The following DTNA variants were observed in gnomAD, a reference collection of about 807,000 sequenced individuals.
The protein encoded by DTNA is dystrophin-related protein 3.
In DTNA, 43 loss-of-function variants were observed where a neutral mutation model predicts 100.7. That is an observed-to-expected ratio of 0.43 (90% CI 0.33 to 0.55). The LOEUF (loss-of-function observed/expected upper bound fraction) is 0.55, where lower values mean the gene tolerates loss of function less well. Among genes scored for constraint, DTNA ranks in the 20% least tolerant of loss-of-function variants. The pLI is 0.04. For synonymous variants in DTNA, 349 were observed against 347.9 expected (o/e 1.00, Z -0.04); for missense variants, 798 against 953.9 (o/e 0.84, Z 2.15).
At chr18:34,763,588 C>T (rs1183445031) in intron 2 of DTNA, among the ~76,000 whole-genome samples, 1 of 152,042 alleles carries the variant, frequency 6.6e-6, no homozygotes, top group Non-Finnish European at 1.5e-5. Context: ...AATGAGCCGT[C>T]TATTTTTAAA....
intron 1 of DTNA, among the ~76,000 whole-genome samples, chr18:34,602,804 G>A (rs933403674): frequency 3.3e-5 from 5 of 151,888 alleles, no homozygotes; most frequent in Non-Finnish European, 5.9e-5. Flanking sequence ...AGGAGTTCGA[G>A]AACAGCCTGG....
At chr18:34,564,140 C>T (rs557303979) in intron 1 of DTNA, among the ~76,000 whole-genome samples, 298 of 152,112 alleles carry the variant, frequency 2.0e-3, no homozygotes, top group Non-Finnish European at 2.1e-3. Flanking sequence ...ACCAACATGT[C>T]CGTACTTCCT....
chr18:34,720,587 C>T (rs762686096), intron 1 of DTNA, among the ~76,000 whole-genome samples: 1 of 152,158 alleles, frequency 6.6e-6, no homozygotes, highest in Non-Finnish European at 1.5e-5. Context: ...AAGTTGTCGT[C>T]TGCTTTGGTG....
intron 1 of DTNA, among the ~76,000 whole-genome samples, chr18:34,741,777 C>T (rs1366923804): frequency 6.6e-6 from 1 of 152,146 alleles, no homozygotes; most frequent in East Asian, 1.9e-4. Context: ...CAGTACTTAT[C>T]TGATATTGGT....
intron 1 of DTNA, among the ~76,000 whole-genome samples, chr18:34,696,510 G>A (rs1172439439): frequency 3.9e-5 from 6 of 152,134 alleles, no homozygotes; most frequent in African/African-American, 1.2e-4. Context: ...CCCGGGAGGT[G>A]GAGGTTGCAG....
rs1465375339 is a variant in DTNA at position 34,751,960 on chromosome 18, G to A, written c.-1-4016G>A. ...AATGAATGGATGGGTTCTTATAAGC[G>A]AAAACAACATATGTCCTGTATAATT... On this transcript the variant is annotated intron_variant, in intron 1 of 22. Transcript: ENST00000444659. 3.3e-5 allele frequency among the ~76,000 whole-genome samples: 5 copies of A among 152,310 alleles called. 1 individual carries two copies. Among genetic ancestry groups the A allele is most frequent in the African/African-American group, 7.2e-5 (3 of 41,580 alleles).
intron 1 of DTNA, among the ~76,000 whole-genome samples, chr18:34,661,300 C>T (rs1022523603): frequency 1.3e-5 from 2 of 152,192 alleles, no homozygotes; most frequent in Non-Finnish European, 2.9e-5. Context: ...CTAGTGGATA[C>T]GTTGATCATT....
chr18:34,669,840 C>T (rs1324629814), intron 1 of DTNA, among the ~76,000 whole-genome samples: 2 of 152,218 alleles, frequency 1.3e-5, no homozygotes, highest in African/African-American at 2.4e-5. Context: ...CCTGACCTTT[C>T]TCTCTGGCTG....
intron 1 of DTNA, among the ~76,000 whole-genome samples, chr18:34,724,385 CTG>C (rs980674107): frequency 2.6e-5 from 4 of 152,174 alleles, no homozygotes; most frequent in African/African-American, 9.7e-5. Flanking sequence ...TTATCATAAA[CTG>C]TTGGTAGAAG....
At chr18:34,619,737 A>T (rs140646838) in intron 1 of DTNA, among the ~76,000 whole-genome samples, 21 of 152,282 alleles carry the variant, frequency 1.4e-4, no homozygotes, top group African/African-American at 4.6e-4. Context: ...GGGATATCCA[A>T]ACTAAAATAT....
At chr18:34,715,390 G>C (rs189807400) in intron 1 of DTNA, among the ~76,000 whole-genome samples, 4 of 152,126 alleles carry the variant, frequency 2.6e-5, no homozygotes, top group African/African-American at 4.8e-5. Context: ...TTTTAGAGTG[G>C]TATTACTATA....
chr18:34,496,101 A>G (rs2039163996), intron 1 of DTNA, among the ~76,000 whole-genome samples: 1 of 152,092 alleles, frequency 6.6e-6, no homozygotes, highest in Non-Finnish European at 1.5e-5. Context: ...ACTCAACATT[A>G]TAAGTAAAAA....
intron 1 of DTNA, among the ~76,000 whole-genome samples, chr18:34,520,332 A>G (rs1485626238): frequency 1.3e-5 from 2 of 152,146 alleles, no homozygotes; most frequent in African/African-American, 4.8e-5. Flanking sequence ...CTTGACCCAA[A>G]GTGGATCTTT....
intron 1 of DTNA, among the ~76,000 whole-genome samples, chr18:34,696,536 C>A (rs1326485162): frequency 6.6e-6 from 1 of 152,080 alleles, no homozygotes; most frequent in African/African-American, 2.4e-5. Context: ...CAAGATTGAG[C>A]CACTGCACTC....
Position 34,890,183 on chromosome 18 carries a change from G to T in DTNA, c.*2449G>T, listed in dbSNP as rs998932605. The T allele has an allele frequency of 2.7e-5, 39 of 1,441,748 alleles. No individual in the cohort carries two copies. Among genetic ancestry groups the T allele is most frequent in the Non-Finnish European group, 3.5e-5 (39 of 1,103,288 alleles). 89.3% of individuals were successfully genotyped at this position (1,441,748 alleles called of 1,614,324 possible). ...TCCCCGTTGTCATAGCTATTTCATT[G>T]CCAACCAACTCCATCACATGGTTGT... On this transcript the variant is annotated 3_prime_UTR_variant, in exon 23 of 23. Transcript: ENST00000444659.
intron 1 of DTNA, among the ~76,000 whole-genome samples, chr18:34,701,565 A>C (rs1231552453): frequency 6.6e-6 from 1 of 152,098 alleles, no homozygotes; most frequent in Non-Finnish European, 1.5e-5. Flanking sequence ...GTGTATCTGC[A>C]TCCAAGCCCT....
intron 16 of DTNA, among the ~76,000 whole-genome samples, chr18:34,860,691 A>T (rs1369453094): frequency 1.3e-5 from 2 of 152,154 alleles, no homozygotes; most frequent in African/African-American, 4.8e-5. Flanking sequence ...ACCACAATGA[A>T]CTTTCTCAAC....
chr18:34,680,181 A>AACAC (rs201941772), intron 1 of DTNA, among the ~76,000 whole-genome samples: 237 of 152,030 alleles, frequency 1.6e-3, no homozygotes, highest in African/African-American at 5.6e-3. Flanking sequence ...AGTTAAACAC[A>AACAC]ACACACACAC....
chr18:34,542,058 G>A (rs1408705963), intron 1 of DTNA, among the ~76,000 whole-genome samples: 1 of 152,080 alleles, frequency 6.6e-6, no homozygotes, highest in Non-Finnish European at 1.5e-5. Flanking sequence ...AAATCTCTGG[G>A]CATCCCCTCA....
Sources: allele counts gnomAD v4.1 joint callset (sites outside exome capture counted in the v4.1 genomes callset), GRCh38; gene constraint gnomAD v4.1.1; transcripts MANE v1.5; gene names NCBI Gene and HGNC (gene_info 2026-07-23, HGNC 2026-07-21).